The following ARHGAP24 variants were observed in gnomAD, a reference collection of about 807,000 sequenced individuals.
The protein encoded by ARHGAP24 is Rho GTPase activating protein 24.
ARHGAP24 carries 50 observed loss-of-function variants against 76.4 expected under a neutral mutation model. The ratio of observed to expected loss-of-function variants is 0.65; its 90% CI spans 0.52 to 0.83. The LOEUF (loss-of-function observed/expected upper bound fraction) is 0.83. Among genes scored for constraint, ARHGAP24 ranks in the 40% least tolerant of loss-of-function variants. ARHGAP24 has a pLI of 0.00. For synonymous variants in ARHGAP24, 345 were observed against 323.3 expected, an observed-to-expected ratio of 1.07 and a Z score of -0.72; for missense variants, 930 against 914.2, an observed-to-expected ratio of 1.02 and a Z score of -0.22.
chr4:85,900,198 A>G (rs1362944033), intron 3 of ARHGAP24, among the ~76,000 whole-genome samples: 1 of 152,168 alleles, frequency 6.6e-6, no homozygotes, highest in Non-Finnish European at 1.5e-5. Context: ...CTTAATATCA[A>G]TTATTATTAT....
At chr4:85,640,130 T>A (rs552296998) in intron 2 of ARHGAP24, among the ~76,000 whole-genome samples, 3 of 152,234 alleles carry the variant, frequency 2.0e-5, no homozygotes, top group African/African-American at 7.2e-5. Flanking sequence ...ACAACCTCTT[T>A]TATCAGATGC....
chr4:85,830,487 TTACACTTC>T (rs1423179313), intron 3 of ARHGAP24, among the ~76,000 whole-genome samples: 2 of 152,212 alleles, frequency 1.3e-5, no homozygotes, highest in Non-Finnish European at 2.9e-5. Flanking sequence ...ACCGACATAG[TTACACTTC>T]TACAAAGGCC....
At chr4:85,838,656 A>G (rs1165319145) in intron 3 of ARHGAP24, among the ~76,000 whole-genome samples, 2 of 152,210 alleles carry the variant, frequency 1.3e-5, no homozygotes, top group African/African-American at 2.4e-5. Context: ...CTTTTATTGC[A>G]TAGCCAATTA....
intron 3 of ARHGAP24, among the ~76,000 whole-genome samples, chr4:85,879,379 A>G (rs1733111810): frequency 6.6e-6 from 1 of 152,190 alleles, no homozygotes; most frequent in Non-Finnish European, 1.5e-5. Flanking sequence ...CTCTGTGTAA[A>G]TGTAAAAAGT....
intron 1 of ARHGAP24, among the ~76,000 whole-genome samples, chr4:85,492,923 C>T (rs1223086857): frequency 6.6e-6 from 1 of 152,132 alleles, no homozygotes; most frequent in Non-Finnish European, 1.5e-5. Context: ...TCATACACAA[C>T]ATTTATTTGT....
At chr4:85,969,136 A>G (rs1241893867) in intron 5 of ARHGAP24, among the ~76,000 whole-genome samples, 1 of 152,098 alleles carries the variant, frequency 6.6e-6, no homozygotes. Flanking sequence ...CATCCTTCAC[A>G]ATTTTTACAC....
chr4:85,998,578 A>G (rs573336613), intron 9 of ARHGAP24, among the ~76,000 whole-genome samples: 2 of 151,850 alleles, frequency 1.3e-5, no homozygotes, highest in Non-Finnish European at 2.9e-5. Context: ...TTATTAAGCT[A>G]TGTTTGACCT....
intron 3 of ARHGAP24, among the ~76,000 whole-genome samples, chr4:85,873,064 A>G (rs1055725697): frequency 1.3e-5 from 2 of 152,198 alleles, no homozygotes; most frequent in African/African-American, 4.8e-5. Context: ...AGATACAAAA[A>G]GGCTGCAGTG....
intron 2 of ARHGAP24, among the ~76,000 whole-genome samples, chr4:85,682,982 A>G (rs1560583719): frequency 6.6e-6 from 1 of 151,948 alleles, no homozygotes. Context: ...TGCCTGGTAC[A>G]TTACAATAAA....
chr4:85,648,416 ACAAAT>A (rs1721807455), intron 2 of ARHGAP24, among the ~76,000 whole-genome samples: 5 of 152,114 alleles, frequency 3.3e-5, no homozygotes, highest in Admixed American at 3.3e-4. Flanking sequence ...TAGTTTGAAA[ACAAAT>A]CAAAAGATTT....
intron 1 of ARHGAP24, among the ~76,000 whole-genome samples, chr4:85,500,672 G>T (rs1350982709): frequency 6.6e-6 from 1 of 152,270 alleles, no homozygotes; most frequent in South Asian, 2.1e-4. Context: ...CATCTCAGAT[G>T]TGGAAAGCTC....
chr4:85,903,391 A>G (rs1734606217), intron 3 of ARHGAP24, among the ~76,000 whole-genome samples: 1 of 152,178 alleles, frequency 6.6e-6, no homozygotes, highest in South Asian at 2.1e-4. Context: ...TTGTATTAAA[A>G]ATCTTATAGT....
At chr4:85,974,653 T>A (rs1244175439) in intron 6 of ARHGAP24, among the ~76,000 whole-genome samples, 1 of 152,204 alleles carries the variant, frequency 6.6e-6, no homozygotes, top group Non-Finnish European at 1.5e-5. Context: ...TGATAACAGC[T>A]TCACTTGAAT....
chr4:85,644,057 G>C (rs1452636867), intron 2 of ARHGAP24, among the ~76,000 whole-genome samples: 3 of 152,116 alleles, frequency 2.0e-5, no homozygotes, highest in Non-Finnish European at 2.9e-5. Flanking sequence ...TTTGAGCAAG[G>C]GCTCTGGAGC....
At chr4:85,521,834 T>A (rs138081446) in intron 1 of ARHGAP24, among the ~76,000 whole-genome samples, 322 of 152,238 alleles carry the variant, frequency 2.1e-3, no homozygotes, top group African/African-American at 7.5e-3. Context: ...TTTCTACCCA[T>A]TGAAGAGGCC....
intron 3 of ARHGAP24, chr4:85,778,677 C>T (rs1159526519): frequency 5.1e-6 from 5 of 984,320 alleles, no homozygotes; most frequent in Non-Finnish European, 6.0e-6. Flanking sequence ...GGTTTTTTTT[C>T]CCCTCTCTGT....
chr4:85,787,105 T>C (rs1490102721), intron 3 of ARHGAP24, among the ~76,000 whole-genome samples: 1 of 152,184 alleles, frequency 6.6e-6, no homozygotes, highest in Non-Finnish European at 1.5e-5. Context: ...TTGTTACAAA[T>C]GTGGACATAT....
At chr4:85,684,329 T>C (rs557699814) in intron 2 of ARHGAP24, among the ~76,000 whole-genome samples, 1 of 152,320 alleles carries the variant, frequency 6.6e-6, no homozygotes, top group African/African-American at 2.4e-5. Flanking sequence ...TGATATTTCA[T>C]TGTGGTTTTG....
intron 3 of ARHGAP24, among the ~76,000 whole-genome samples, chr4:85,724,459 G>C (rs1042924528): frequency 4.7e-5 from 7 of 147,882 alleles, no homozygotes; most frequent in Non-Finnish European, 1.0e-4. Context: ...ATCCATATGT[G>C]CACTGTATGT....
Sources: gnomAD v4.1 joint callset for allele counts (sites outside exome capture counted in the v4.1 genomes callset) on GRCh38, gnomAD v4.1.1 for gene constraint, MANE v1.5 for transcripts, NCBI Gene and HGNC (gene_info 2026-07-23, HGNC 2026-07-21) for gene names.